Variants in OSCAR observed in about 807,000 individuals in gnomAD.
OSCAR encodes the protein osteoclast-associated immunoglobulin-like receptor.
A neutral mutation model predicts 27.3 loss-of-function variants in OSCAR; 25 were observed. That is an observed-to-expected ratio of 0.92 (90% CI 0.67 to 1.28). The LOEUF is 1.28. Ranked by LOEUF, OSCAR falls within the 50% of genes most tolerant of loss-of-function variation. OSCAR has a pLI of 0.00. For missense variants in OSCAR, 354 were observed against 355.1 expected, an observed-to-expected ratio of 1.00 and a Z score of 0.03; for synonymous variants, 158 against 165.7, an observed-to-expected ratio of 0.95 and a Z score of 0.36.
Position 54,096,784 on chromosome 19 carries a change from C to T in OSCAR, c.373+78G>A, listed in dbSNP as rs1355004411. 4 of 1,485,722 alleles carry T rather than the reference C, an allele frequency of 2.7e-6. No homozygotes were observed. In the African/African-American group the frequency reaches 5.6e-5, roughly 21 times the overall value. 92.0% of individuals were successfully genotyped at this position (1,485,722 alleles called of 1,614,324 possible). ...TCTGTTTGCCCGCCTCGCTCTGTCT[C>T]TCTTTCCCTATATCTCTCTGTCCCT... On this transcript the variant is annotated intron_variant, in intron 3 of 4. Coordinates refer to ENST00000358375, the MANE Select transcript of OSCAR (RefSeq NM_133169.6).
In OSCAR at chr19:54,095,336, G is replaced by C. The variant is rs201324161; in HGVS notation, c.677C>G (p.Thr226Ser). The change falls in exon 5 of 5, where the codon ACC (threonine) becomes AGC (serine). Residue 226 changes from threonine (T) to serine (S), a missense_variant. Thr to Ser is a moderately conservative substitution (Grantham distance 58). Transcript: ENST00000358375. ...CCCCAGGCGGACTAGGTTCCCCCGG[G>C]TGTAGTCGGAGGAGCCAGAGTCTGC... ...SWEDSGSSDY[T>S]RGNLVRLGLA... 48 of 1,569,920 alleles carry C rather than the reference G, an allele frequency of 3.1e-5. No homozygotes were observed. Among genetic ancestry groups the C allele is most frequent in the Non-Finnish European group, 4.1e-5 (47 of 1,157,688 alleles).
Position 54,095,265 on chromosome 19 carries a change from C to A in OSCAR, c.748G>T (p.Asp250Tyr). The change falls in exon 5 of 5, where the codon GAC becomes TAC. Residue 250 changes from aspartate to tyrosine, a missense_variant. Transcript: ENST00000358375. The part of the protein sequence containing the change: ...LISLGALVTF[D>Y]WRSQNRAPAG... Reference sequence around the variant, plus strand: ...GGAGCGCGGTTCTGACTGCGCCAGTCAAAAGTGACCAGCGCGCCCAGGGAG... The same window carrying A: ...GGAGCGCGGTTCTGACTGCGCCAGTAAAAAGTGACCAGCGCGCCCAGGGAG... 6.2e-7 allele frequency: 1 copy of A among 1,608,150 alleles called. No homozygotes were observed. Among genetic ancestry groups the A allele is most frequent in the Non-Finnish European group, 8.5e-7 (1 of 1,177,860 alleles).
At chr19:54,097,725 C>T (rs2072828228) in intron 2 of OSCAR, among the ~76,000 whole-genome samples, 1 of 150,424 alleles carries the variant, frequency 6.6e-6, no homozygotes, top group African/African-American at 2.4e-5. Context: ...TCCTGAGTAC[C>T]TGGGACCACA....
rs775258997 is a variant in OSCAR, at chr19:54,097,161, G to A, written c.74C>T (p.Pro25Leu). The A allele has an allele frequency of 9.3e-6, 15 of 1,610,884 alleles. No individual in the cohort carries two copies. In the East Asian group the frequency reaches 3.1e-4, roughly 34 times the overall value. The change falls in exon 3 of 5, where the codon CCC becomes CTC. Residue 25 changes from proline to leucine, a missense_variant. By Grantham distance (98) the Pro-to-Leu change is moderately conservative. Transcript: ENST00000358375. ...LCHTDITPSV[P>L]PASYHPKPWL... ...TGGCTTAGGGTGGTATGAAGCTGGG[G>A]GGACTGAATAAACGGGGCTGCCTGG...
chr19:54,098,495 CG>C (rs1168852250), intron 2 of OSCAR, among the ~76,000 whole-genome samples: 1 of 151,992 alleles, frequency 6.6e-6, no homozygotes, highest in Non-Finnish European at 1.5e-5. Flanking sequence ...ACCCTAGAGT[CG>C]GAGGCTGCAG....
chr19:54,099,940 G>A (rs2072960878), intron 1 of OSCAR, among the ~76,000 whole-genome samples, 160 bp from the exon 2 acceptor site: 1 of 151,884 alleles, frequency 6.6e-6, no homozygotes, highest in Admixed American at 6.6e-5. Flanking sequence ...AGCCTCCGTA[G>A]TAGCTGGGAC....
chr19:54,096,541 CCTCT>C, intron 3 of OSCAR, among the ~76,000 whole-genome samples: 1 of 103,498 alleles, frequency 9.7e-6, no homozygotes, highest in African/African-American at 4.1e-5. Flanking sequence ...TCTCTGCCTC[CCTCT>C]CTCTCTGCCT....
At chr19:54,095,573 G>A in intron 4 of OSCAR, 3 of 1,241,976 alleles carry the variant, frequency 2.4e-6, no homozygotes, top group Non-Finnish European at 3.2e-6. Flanking sequence ...GGGGCCTGGA[G>A]TCCTGGGTCC....
At position 54,099,229 on chromosome 19, in the gene OSCAR, A is replaced by ATTTTTTTTTTTT. The variant is rs1228940404; in HGVS notation, c.70+507_70+518dup. Among the ~76,000 whole-genome samples the ATTTTTTTTTTTT allele has an allele frequency of 2.4e-3, 198 of 82,424 alleles. 9 individuals carry two copies. The highest frequency in any genetic ancestry group is 9.1e-3 in the African/African-American group (183 of 20,070). 54.1% of individuals were successfully genotyped at this position (82,424 alleles called of 152,430 possible). ...AGGTGCGTCCCACCACACCCGGCTA[A>ATTTTTTTTTTTT]TTTTTTTTTTTTTTTTTTTTTTTTA... On this transcript the variant is annotated intron_variant, in intron 2 of 4. Coordinates refer to ENST00000358375, the MANE Select transcript of OSCAR (RefSeq NM_133169.6).
rs1323031795 is a variant in OSCAR at position 54,098,679 on chromosome 19, A to G, written c.70+1069T>C. 3.9e-5 allele frequency among the ~76,000 whole-genome samples: 6 copies of G among 151,992 alleles called. No homozygotes were observed. The East Asian group carries it at 7.8e-4, about 20-fold the overall frequency. On this transcript the variant is annotated intron_variant, in intron 2 of 4. Transcript: ENST00000358375. ...AGCCCGGGTGACACAATGAGACCCC[A>G]TCTCTAAAAATGAATAAAAATAAGG...
rs1373382924 is a variant in OSCAR, at chr19:54,096,085, G to A, written c.442C>T (p.Leu148=). 3 of 1,533,516 alleles carry A rather than the reference G, an allele frequency of 2.0e-6. No homozygotes were observed. The highest frequency in any genetic ancestry group is 2.6e-6 in the Non-Finnish European group (3 of 1,145,648). 95.0% of individuals were successfully genotyped at this position (1,533,516 alleles called of 1,614,324 possible). A position where few individuals can be genotyped will look rare whatever the true frequency, so the allele number is the denominator to read the frequency against. Residue 148 remains leucine, a synonymous_variant, in exon 4 of 5, where the codon CTG becomes TTG. Transcript: ENST00000358375. ...PVVGPGANVS[L]RCAGRLRNMS... is the part of the protein sequence containing the mutation. The stretch of plus-strand genomic sequence containing the variant: ...TTCCGCAGGCGGCCCGCGCAGCGCA[G>A]GCTCACGTTGGCGCCAGGACCCACC...
chr19:54,095,987 G>A lies in OSCAR; in HGVS notation c.540C>T (p.Ala180=), dbSNP rs774518123. 6.3e-7 allele frequency: 1 copy of A among 1,588,670 alleles called. No individual in the cohort carries two copies. Among genetic ancestry groups the A allele is most frequent in the Admixed American group, 1.8e-5 (1 of 55,920 alleles). The change falls in exon 4 of 5, where the codon GCC becomes GCT. Residue 180 remains alanine, a synonymous_variant. Transcript: ENST00000358375. The stretch of plus-strand genomic sequence containing the variant: ...CGCGGGCGCCCAGCAGCGTGAAGTC[G>A]GCCCAGGGCTGCGCGGAGTGGCGGT... ...LQYRHSAQPW[A]DFTLLGARAP...
In OSCAR at chr19:54,096,183, G is replaced by A. The variant is rs1442326663; in HGVS notation, c.374-30C>T. On this transcript the variant is annotated intron_variant, in intron 3 of 4. Coordinates refer to ENST00000358375, the MANE Select transcript of OSCAR (RefSeq NM_133169.6). The stretch of plus-strand genomic sequence containing the variant: ...AGAGACGGGGTGAGAGTCCGGGGCC[G>A]CGTGAGCGTCTTCCGCTCGCTCGCT... 7 of 1,466,780 alleles carry A rather than the reference G, an allele frequency of 4.8e-6. No individual in the cohort carries two copies. The East Asian group carries it at 1.6e-4, about 33-fold the overall frequency. 90.9% of individuals were successfully genotyped at this position (1,466,780 alleles called of 1,614,324 possible).
chr19:54,097,584 CTTTTTTTTTTTTT>C (rs33998262), intron 2 of OSCAR, among the ~76,000 whole-genome samples: 65 of 37,468 alleles, frequency 1.7e-3, no homozygotes, highest in Non-Finnish European at 2.8e-3. Context: ...CACACCCAGA[CTTTTTTTTTTTTT>C]TTTTTTTTTT....
chr19:54,097,584 CTTTTTTTTTTTTTTT>C (rs33998262), intron 2 of OSCAR, among the ~76,000 whole-genome samples: 2 of 37,456 alleles, frequency 5.3e-5, no homozygotes, highest in Middle Eastern at 0.042. Flanking sequence ...CACACCCAGA[CTTTTTTTTTTTTTTT>C]TTTTTTTTTT....
intron 4 of OSCAR, chr19:54,095,669 G>T: frequency 1.9e-6 from 2 of 1,030,804 alleles, no homozygotes; most frequent in South Asian, 1.7e-5. Context: ...GGGAGGAGGA[G>T]CTGGAGGACT....
Position 54,095,061 on chromosome 19 carries a change from C to T in OSCAR, c.*160G>A, listed in dbSNP as rs1339753178. The T allele has an allele frequency of 2.4e-6, 3 of 1,237,168 alleles. No homozygotes were observed. The East Asian group carries it at 8.5e-5, about 35-fold the overall frequency. The allele number at this position is 1,237,168 out of a possible 1,614,324, so 76.6% of individuals were successfully genotyped here. On this transcript the variant is annotated 3_prime_UTR_variant, in exon 5 of 5. Transcript: ENST00000358375. ...CTTTCAGCTACTCCTTGGGAAAGGC[C>T]TGGAAAGAAGCTACAGCACAGGGCA...
In OSCAR at chr19:54,095,338, G is replaced by A; in HGVS notation, c.675C>T (p.Tyr225=). Residue 225 remains tyrosine (Y), a synonymous_variant, in exon 5 of 5, where the codon TAC becomes TAT. Transcript: ENST00000358375. Reference sequence around the variant, plus strand: ...CCAGGCGGACTAGGTTCCCCCGGGTGTAGTCGGAGGAGCCAGAGTCTGCGG... The same window carrying A: ...CCAGGCGGACTAGGTTCCCCCGGGTATAGTCGGAGGAGCCAGAGTCTGCGG... ...ISWEDSGSSD[Y]TRGNLVRLGL... 1.9e-6 allele frequency: 3 copies of A among 1,568,392 alleles called. No individual in the cohort carries two copies. The highest frequency in any genetic ancestry group is 2.6e-6 in the Non-Finnish European group (3 of 1,156,894).
At position 54,100,801 on chromosome 19, in the gene OSCAR, G is replaced by A; in HGVS notation, c.-9C>T. The A allele has an allele frequency of 1.3e-6, 2 of 1,552,042 alleles. No homozygotes were observed. The highest frequency in any genetic ancestry group is 4.9e-5 in the East Asian group (2 of 40,966). ...ATCAGCACCAGGGCCATGGTGGGCA[G>A]ATACCCGCTAGAGCTGGAGCCAGGG... On this transcript the variant is annotated 5_prime_UTR_variant, in exon 1 of 5. Coordinates refer to ENST00000358375, the MANE Select transcript of OSCAR (RefSeq NM_133169.6).
Sources: gnomAD v4.1 joint callset for allele counts (sites outside exome capture counted in the v4.1 genomes callset) on GRCh38, gnomAD v4.1.1 for gene constraint, MANE v1.5 for transcripts, NCBI Gene and HGNC (gene_info 2026-07-23, HGNC 2026-07-21) for gene names.